Variants in MRPS14 observed in about 807,000 individuals in gnomAD.
MRPS14 encodes the protein mitochondrial ribosomal protein S14, also known as small ribosomal subunit protein uS14m.
MRPS14 carries 14 observed loss-of-function variants against 16.4 expected under a neutral mutation model. That is an observed-to-expected ratio of 0.85 (90% confidence interval 0.56 to 1.33). The LOEUF (loss-of-function observed/expected upper bound fraction) is 1.33. Among genes scored for constraint, MRPS14 ranks in the 40% most tolerant of loss-of-function variants. The pLI, the probability that MRPS14 is intolerant of heterozygous loss-of-function variation, is 0.00. For missense variants in MRPS14, 162 were observed against 176.8 expected (o/e 0.92, Z 0.48); for synonymous variants, 54 against 61.9 (o/e 0.87, Z 0.60).
rs867472764 is a variant in MRPS14 at position 175,014,604 on chromosome 1, A to T, written c.*65T>A. 9.2e-5 allele frequency: 141 copies of T among 1,526,176 alleles called. 2 individuals carry two copies. In the African/African-American group the frequency reaches 1.6e-3, roughly 17 times the overall value. 94.5% of individuals were successfully genotyped at this position (1,526,176 alleles called of 1,614,324 possible). A position where few individuals can be genotyped will look rare whatever the true frequency, so the allele number is the denominator to read the frequency against. On this transcript the variant is annotated 3_prime_UTR_variant, in exon 3 of 3. Coordinates refer to ENST00000476371, the MANE Select transcript of MRPS14 (RefSeq NM_022100.3). ...AGATTAGGGTTTGGTCTATTAAAAAAAATCTTTGCTTGCTGGAACTGCAAG... is the reference window on the plus strand; with the variant it reads ...AGATTAGGGTTTGGTCTATTAAAAATAATCTTTGCTTGCTGGAACTGCAAG...
chr1:175,023,248 G>A, intron 1 of MRPS14, 116 bp downstream of exon 1: 1 of 1,555,548 alleles, frequency 6.4e-7, no homozygotes, highest in Admixed American at 2.0e-5. Context: ...AGGGCGGAAG[G>A]AGAACCCCTG....
chr1:175,018,923 A>G (rs1019563479), intron 1 of MRPS14, among the ~76,000 whole-genome samples: 11 of 152,118 alleles, frequency 7.2e-5, no homozygotes, highest in African/African-American at 2.7e-4. Context: ...ACACAGTGAA[A>G]AGTCTCCCCC....
rs1420734533 is a variant in MRPS14 at position 175,020,757 on chromosome 1, T to A, written c.46-2181A>T. On this transcript the variant is annotated intron_variant, in intron 1 of 2. Transcript: ENST00000476371. ...ATCCCAAAGTAATACACTTTTAAAA[T>A]AAAATATTTATTGGCCTATTATATT... 5.9e-5 allele frequency among the ~76,000 whole-genome samples: 9 copies of A among 152,320 alleles called. No homozygotes were observed. The East Asian group carries it at 1.7e-3, about 29-fold the overall frequency.
At chr1:175,014,902 A>G in intron 2 of MRPS14, 51 bp from the exon 3 acceptor site, 1 of 1,386,758 alleles carries the variant, frequency 7.2e-7, no homozygotes. Flanking sequence ...TTGCACATGT[A>G]TTTTGCTCCT....
intron 2 of MRPS14, among the ~76,000 whole-genome samples, chr1:175,015,997 C>A (rs558906000): frequency 3.3e-5 from 5 of 152,096 alleles, no homozygotes; most frequent in African/African-American, 9.6e-5. Context: ...CAAGAGTTCG[C>A]GACCAGCCTG....
chr1:175,017,380 T>C (rs953871381), intron 2 of MRPS14, among the ~76,000 whole-genome samples: 1 of 152,192 alleles, frequency 6.6e-6, no homozygotes, highest in Non-Finnish European at 1.5e-5. Flanking sequence ...TGTAGGAAAG[T>C]AGCTTAATGC....
chr1:175,014,969 C>T, intron 2 of MRPS14, 118 bp from the exon 3 acceptor site: 1 of 974,884 alleles, frequency 1.0e-6, no homozygotes, highest in South Asian at 1.6e-5. Flanking sequence ...CAGAGTCTCG[C>T]TCTGTCACCC....
At chr1:175,017,603 C>T (rs542474032) in intron 2 of MRPS14, among the ~76,000 whole-genome samples, 83 of 152,210 alleles carry the variant, frequency 5.5e-4, no homozygotes, top group Non-Finnish European at 9.4e-4. Flanking sequence ...GCCTTTTGAA[C>T]GCAGATATGC....
intron 1 of MRPS14, among the ~76,000 whole-genome samples, chr1:175,021,498 A>T (rs1672977008): frequency 6.6e-6 from 1 of 152,096 alleles, no homozygotes; most frequent in Admixed American, 6.5e-5. Context: ...ATCTCAACTC[A>T]TTATCACTTC....
rs757469357 is a variant in MRPS14, at chr1:175,013,283, A to T, written c.*1386T>A. Reference sequence around the variant, plus strand: ...ACACAGGCATCTCCAACACCGCATGACTGGAACCTGAACTCGCTTATCTTC... The same window carrying T: ...ACACAGGCATCTCCAACACCGCATGTCTGGAACCTGAACTCGCTTATCTTC... On this transcript the variant is annotated 3_prime_UTR_variant, in exon 3 of 3. Coordinates refer to ENST00000476371, the MANE Select transcript of MRPS14 (RefSeq NM_022100.3). 1.3e-5 allele frequency: 2 copies of T among 152,204 alleles called. No individual in the cohort carries two copies. The highest frequency in any genetic ancestry group is 2.9e-5 in the Non-Finnish European group (2 of 68,050). 9.4% of individuals were successfully genotyped at this position (152,204 alleles called of 1,614,324 possible). A position where few individuals can be genotyped will look rare whatever the true frequency, so the allele number is the denominator to read the frequency against.
intron 2 of MRPS14, 85 bp downstream of exon 2, chr1:175,018,333 C>A: frequency 8.2e-7 from 1 of 1,226,524 alleles, no homozygotes; most frequent in South Asian, 1.7e-5. Flanking sequence ...ATATTGATAC[C>A]AAGTCACAAC....
At chr1:175,021,759 T>A (rs975406899) in intron 1 of MRPS14, among the ~76,000 whole-genome samples, 3 of 152,174 alleles carry the variant, frequency 2.0e-5, no homozygotes, top group Non-Finnish European at 2.9e-5. Context: ...CCAACTCTCT[T>A]ACAGGGTCTT....
chr1:175,018,334 A>G, intron 2 of MRPS14, 84 bp downstream of exon 2: 1 of 1,243,400 alleles, frequency 8.0e-7, no homozygotes, highest in Non-Finnish European at 1.1e-6. Flanking sequence ...TATTGATACC[A>G]AGTCACAACA....
rs1672924897 is a variant in MRPS14 at position 175,018,595 on chromosome 1, G to A, written c.46-19C>T. 1 of 1,572,620 alleles carries A rather than the reference G, an allele frequency of 6.4e-7. No homozygotes were observed. The highest frequency in any genetic ancestry group is 2.3e-5 in the East Asian group (1 of 44,180). The stretch of plus-strand genomic sequence containing the variant: ...GAACCATCTGAAAGACAGAGACAAG[G>A]GACAAGTGAAGGATAGCCAGGACAA... On this transcript the variant is annotated intron_variant, in intron 1 of 2. Transcript: ENST00000476371.
chr1:175,013,617 C>CA lies in MRPS14; in HGVS notation c.*1051dup, dbSNP rs1672823610. On this transcript the variant is annotated 3_prime_UTR_variant, in exon 3 of 3. Coordinates refer to ENST00000476371, the MANE Select transcript of MRPS14 (RefSeq NM_022100.3). ...TCATGGCCATCTGCCACACAGCTGT[C>CA]ACTTACCTGTATTACAAACTGATGA... is the stretch of plus-strand genomic sequence containing the variant. 6.6e-6 allele frequency: 1 copy of CA among 152,180 alleles called. No individual in the cohort carries two copies. The highest frequency in any genetic ancestry group is 2.4e-5 in the African/African-American group (1 of 41,416). The allele number at this position is 152,180 out of a possible 1,614,324, so 9.4% of individuals were successfully genotyped here.
At chr1:175,022,562 C>T (rs1672998581) in intron 1 of MRPS14, 1 of 151,852 alleles carries the variant, frequency 6.6e-6, no homozygotes, top group African/African-American at 2.4e-5. Context: ...TTGTAAACAC[C>T]ACTGCACTCG....
At chr1:175,019,434 A>G (rs566950758) in intron 1 of MRPS14, among the ~76,000 whole-genome samples, 1 of 152,086 alleles carries the variant, frequency 6.6e-6, no homozygotes, top group East Asian at 1.9e-4. Flanking sequence ...GGTGCCCGCC[A>G]CCACACCTGG....
chr1:175,014,933 C>CTTTTTTTTTTTTTTTTTTTTTTT lies in MRPS14; in HGVS notation c.205-83_205-82insAAAAAAAAAAAAAAAAAAAAAAA, dbSNP rs368085151. The CTTTTTTTTTTTTTTTTTTTTTTT allele has an allele frequency of 2.7e-6, 2 of 743,490 alleles. 1 individual carries two copies. 46.1% of individuals were successfully genotyped at this position (743,490 alleles called of 1,614,324 possible). ...CTCCTTCTCACTTGCAGGTAATTTTCTTTTCTTTTTTTTTTTTTTTTGAGA... is the reference window on the plus strand; with the variant it reads ...CTCCTTCTCACTTGCAGGTAATTTTCTTTTTTTTTTTTTTTTTTTTTTTTTTTCTTTTTTTTTTTTTTTTGAGA... On this transcript the variant is annotated intron_variant, in intron 2 of 2. Transcript: ENST00000476371.
rs1672887278 is a variant in MRPS14 at position 175,016,751 on chromosome 1, G to GT, written c.204+1666dup. 3.9e-5 allele frequency among the ~76,000 whole-genome samples: 6 copies of GT among 152,164 alleles called. No homozygotes were observed. The South Asian group carries it at 1.2e-3, about 32-fold the overall frequency. On this transcript the variant is annotated intron_variant, in intron 2 of 2. Transcript: ENST00000476371. ...ATTGTGAAATGATTACCACAATGAA[G>GT]TTAATGAATGCATCCTTCACCTCAC...
Sources: allele counts gnomAD v4.1 joint callset (sites outside exome capture counted in the v4.1 genomes callset), GRCh38; gene constraint gnomAD v4.1.1; transcripts MANE v1.5; gene names NCBI Gene and HGNC (gene_info 2026-07-23, HGNC 2026-07-21).